Variants in HERC5 observed in about 807,000 individuals in gnomAD.
The protein encoded by HERC5 is E3 ISG15--protein ligase HERC5.
In HERC5, 99 loss-of-function variants were observed where a neutral mutation model predicts 119.6. The observed-to-expected ratio is 0.83, with a 90% CI of 0.70 to 0.98. HERC5 has a LOEUF of 0.98. Among genes scored for constraint, HERC5 ranks in the 50% least tolerant of loss-of-function variants. The pLI is 0.00. For missense variants in HERC5, 1,267 were observed against 1,241.3 expected, an observed-to-expected ratio of 1.02 and a Z score of -0.31; for synonymous variants, 478 against 445.9, an observed-to-expected ratio of 1.07 and a Z score of -0.91.
intron 18 of HERC5, among the ~76,000 whole-genome samples, chr4:88,498,248 C>G (rs534388179): frequency 6.6e-6 from 1 of 152,084 alleles, no homozygotes; most frequent in Non-Finnish European, 1.5e-5. Context: ...TCTAGAGACC[C>G]GAGAAGAGCC....
intron 11 of HERC5, 79 bp from the exon 12 acceptor site, chr4:88,475,762 A>C: frequency 8.6e-7 from 1 of 1,163,384 alleles, no homozygotes; most frequent in Non-Finnish European, 1.3e-6. Context: ...CAGCCTCTAC[A>C]CCTTGTTTTA....
At chr4:88,479,613 T>C in intron 13 of HERC5, 106 bp downstream of exon 13, 1 of 799,762 alleles carries the variant, frequency 1.3e-6, no homozygotes, top group Non-Finnish European at 1.8e-6. Flanking sequence ...CATACGAAGT[T>C]TATATTGCTA....
chr4:88,491,648 T>C (rs1741642155), intron 16 of HERC5, among the ~76,000 whole-genome samples: 2 of 152,228 alleles, frequency 1.3e-5, no homozygotes, highest in Admixed American at 6.5e-5. Flanking sequence ...TTTACAGTTC[T>C]TGTTCTTCTT....
At chr4:88,487,201 C>T in intron 15 of HERC5, 22 bp downstream of exon 15, 2 of 1,319,538 alleles carry the variant, frequency 1.5e-6, no homozygotes, top group Non-Finnish European at 2.2e-6. Context: ...TATTTGTCTT[C>T]ATTAGCATAA....
chr4:88,467,370 A>C (rs1740708129), intron 7 of HERC5, among the ~76,000 whole-genome samples, 166 bp downstream of exon 7: 1 of 152,234 alleles, frequency 6.6e-6, no homozygotes, highest in Non-Finnish European at 1.5e-5. Context: ...AGTCTAATTT[A>C]CTGAGGCAAA....
chr4:88,495,672 A>G (rs1299854579), intron 18 of HERC5, among the ~76,000 whole-genome samples: 3 of 152,204 alleles, frequency 2.0e-5, no homozygotes, highest in Admixed American at 6.5e-5. Context: ...TCAAGGCCCC[A>G]TAATGGCAGA....
At chr4:88,468,904 ATTGTAT>A (rs1358491167) in intron 8 of HERC5, among the ~76,000 whole-genome samples, 1 of 152,050 alleles carries the variant, frequency 6.6e-6, no homozygotes, top group Non-Finnish European at 1.5e-5. Flanking sequence ...GTTTAATTTG[ATTGTAT>A]TTGTATAAAG....
chr4:88,470,349 C>G (rs550608952), intron 9 of HERC5, among the ~76,000 whole-genome samples: 1 of 152,116 alleles, frequency 6.6e-6, no homozygotes. Flanking sequence ...ATAAATCAAG[C>G]CTTTCCTCTT....
rs761993429 is a variant in HERC5, at chr4:88,505,692, C to T, written c.2889C>T (p.Asp963=). 19 of 1,573,286 alleles carry T rather than the reference C, an allele frequency of 1.2e-5. No individual in the cohort carries two copies. Among genetic ancestry groups the T allele is most frequent in the Admixed American group, 1.2e-4 (7 of 58,956 alleles). Residue 963 remains aspartate, a synonymous_variant, in exon 23 of 23, where the codon GAC becomes GAT. Coordinates refer to ENST00000264350, the MANE Select transcript of HERC5 (RefSeq NM_016323.4). ...KKFLVFLTGT[D]RLQMKDLNNM... Reference sequence around the variant, plus strand: ...TTTTAGTATTTCTTACAGGAACTGACAGACTACAAATGAAAGATTTAAATA... The same window carrying T: ...TTTTAGTATTTCTTACAGGAACTGATAGACTACAAATGAAAGATTTAAATA...
At chr4:88,496,877 A>C (rs761514049) in intron 18 of HERC5, among the ~76,000 whole-genome samples, 8 of 152,226 alleles carry the variant, frequency 5.3e-5, no homozygotes, top group Non-Finnish European at 8.8e-5. Context: ...CACAAAATTC[A>C]TATTTTGAAG....
intron 13 of HERC5, among the ~76,000 whole-genome samples, chr4:88,483,211 C>CTGT (rs145458874): frequency 1.3e-4 from 19 of 151,834 alleles, no homozygotes; most frequent in African/African-American, 2.2e-4. Context: ...TAGGGGTTTG[C>CTGT]TGTTGTTGTT....
chr4:88,471,107 T>C (rs1560602472), intron 10 of HERC5, among the ~76,000 whole-genome samples: 1 of 151,780 alleles, frequency 6.6e-6, no homozygotes, highest in East Asian at 1.9e-4. Flanking sequence ...TAGCTGGGGC[T>C]TCAGACACAT....
At chr4:88,465,928 T>C (rs1740647955) in intron 6 of HERC5, among the ~76,000 whole-genome samples, 1 of 152,158 alleles carries the variant, frequency 6.6e-6, no homozygotes, top group Admixed American at 6.6e-5. Context: ...ACATACAGAA[T>C]TTGCCAGCCA....
At chr4:88,477,164 A>AT (rs1560605291) in intron 12 of HERC5, among the ~76,000 whole-genome samples, 12 of 136,682 alleles carry the variant, frequency 8.8e-5, no homozygotes, top group African/African-American at 3.4e-4. Flanking sequence ...ATAATCAGTC[A>AT]ATAGATAGAT....
intron 12 of HERC5, among the ~76,000 whole-genome samples, chr4:88,479,005 A>G (rs866390006): frequency 6.6e-6 from 1 of 151,838 alleles, no homozygotes; most frequent in African/African-American, 2.4e-5. Flanking sequence ...ATACCCAATA[A>G]GCTGGTGAGG....
chr4:88,486,474 G>C (rs776065071), intron 14 of HERC5, among the ~76,000 whole-genome samples: 54 of 152,208 alleles, frequency 3.5e-4, no homozygotes, highest in Non-Finnish European at 7.3e-4. Context: ...ACTGTAATTA[G>C]AGAAGGACTA....
chr4:88,457,174 C>T lies in HERC5; in HGVS notation c.-96C>T, dbSNP rs1273340137. On this transcript the variant is annotated 5_prime_UTR_variant, in exon 1 of 23. Transcript: ENST00000264350. ...CGCAGCTGCGCGCAGCTGGTTCCCG[C>T]TCTGCAGCGCAACGCCTGAGGCAGT... The T allele has an allele frequency of 3.2e-6, 4 of 1,236,662 alleles. No homozygotes were observed. The highest frequency in any genetic ancestry group is 4.0e-6 in the Non-Finnish European group (4 of 989,650). 76.6% of individuals were successfully genotyped at this position (1,236,662 alleles called of 1,614,324 possible).
At chr4:88,501,854 A>G (rs952245377) in intron 20 of HERC5, among the ~76,000 whole-genome samples, 3 of 152,086 alleles carry the variant, frequency 2.0e-5, no homozygotes, top group Non-Finnish European at 2.9e-5. Context: ...GCTGGAGTGC[A>G]GTGGCGCAAT....
chr4:88,488,642 A>AG (rs1741542401), intron 15 of HERC5, among the ~76,000 whole-genome samples: 1 of 151,236 alleles, frequency 6.6e-6, no homozygotes, highest in East Asian at 1.9e-4. Flanking sequence ...CTCTTCAATT[A>AG]ACTTCTTAGG....
Sources: gnomAD v4.1 joint callset for allele counts (sites outside exome capture counted in the v4.1 genomes callset) on GRCh38, gnomAD v4.1.1 for gene constraint, MANE v1.5 for transcripts, NCBI Gene and HGNC (gene_info 2026-07-23, HGNC 2026-07-21) for gene names.